TPH2: variants seen among roughly 807,000 people sequenced by gnomAD.
The protein encoded by TPH2 is tryptophan 5-hydroxylase 2.
TPH2 carries 27 observed loss-of-function variants against 59.1 expected under a neutral mutation model. The observed-to-expected ratio is 0.46, with a 90% confidence interval of 0.34 to 0.63. TPH2 has a LOEUF of 0.63. Ranked by LOEUF, TPH2 falls within the 30% of genes least tolerant of loss-of-function variation. TPH2 has a pLI of 0.01. For synonymous variants in TPH2, 220 were observed against 210.5 expected (o/e 1.05, Z -0.39); for missense variants, 523 against 588.3 (o/e 0.89, Z 1.15).
At chr12:71,990,577 CTTTG>C (rs773703359) in intron 7 of TPH2, among the ~76,000 whole-genome samples, 10 of 152,194 alleles carry the variant, frequency 6.6e-5, no homozygotes, top group African/African-American at 1.9e-4. Context: ...AATCTTTGCT[CTTTG>C]TTTGAAGAGT....
chr12:72,018,247 T>C (rs1014101274), intron 8 of TPH2, among the ~76,000 whole-genome samples: 1 of 152,092 alleles, frequency 6.6e-6, no homozygotes, highest in Admixed American at 6.6e-5. Context: ...CCAGATGAGG[T>C]CTGGGGCCAG....
chr12:71,948,876 A>G (rs1423532765), intron 4 of TPH2, among the ~76,000 whole-genome samples: 1 of 151,968 alleles, frequency 6.6e-6, no homozygotes, highest in East Asian at 1.9e-4. Flanking sequence ...GGGTAAACCA[A>G]GAAGTCCTCT....
intron 8 of TPH2, among the ~76,000 whole-genome samples, chr12:72,015,756 C>G (rs967620402): frequency 1.3e-5 from 2 of 152,084 alleles, no homozygotes; most frequent in Non-Finnish European, 2.9e-5. Context: ...GCTAGACTTG[C>G]ATCTGAAAGG....
In TPH2 at chr12:71,939,395, CAA is replaced by C. The variant is rs5799057; in HGVS notation, c.105+322_105+323del. Among the ~76,000 whole-genome samples, 973 of 121,640 alleles carry C rather than the reference CAA, an allele frequency of 8.0e-3. 37 individuals carry two copies. In the East Asian group the frequency reaches 0.12, roughly 15 times the overall value. The allele number at this position is 121,640 out of a possible 152,430, so 79.8% of individuals were successfully genotyped here. On this transcript the variant is annotated intron_variant, in intron 1 of 10. Coordinates refer to ENST00000333850, the MANE Select transcript of TPH2 (RefSeq NM_173353.4). The stretch of plus-strand genomic sequence containing the variant: ...TGAATCAATGTCTTAAATCTACAGC[CAA>C]AAAAAAAAAAAAAAAAATGGAGTGT...
chr12:71,939,121 A>G (rs1870982897), intron 1 of TPH2, 30 bp downstream of exon 1: 1 of 1,561,288 alleles, frequency 6.4e-7, no homozygotes, highest in Non-Finnish European at 8.8e-7. Context: ...CACTATGGAG[A>G]ATTATTTTTT....
chr12:72,012,197 A>G (rs1184223306), intron 8 of TPH2, among the ~76,000 whole-genome samples: 7 of 151,140 alleles, frequency 4.6e-5, no homozygotes, highest in Non-Finnish European at 4.4e-5. Context: ...AACAACAACA[A>G]TAACAACAAC....
intron 7 of TPH2, among the ~76,000 whole-genome samples, chr12:71,989,142 C>T (rs1023423777): frequency 1.4e-5 from 2 of 145,592 alleles, no homozygotes; most frequent in African/African-American, 5.1e-5. Context: ...TGTAGCTATA[C>T]TGTGATAGGG....
chr12:71,992,938 T>C (rs529669075), intron 7 of TPH2, among the ~76,000 whole-genome samples: 89 of 152,356 alleles, frequency 5.8e-4, no homozygotes, highest in African/African-American at 2.0e-3. Flanking sequence ...CCATAAGCAA[T>C]GTGATTGAAG....
At chr12:71,977,700 CTT>C (rs1383632699) in intron 6 of TPH2, among the ~76,000 whole-genome samples, 3 of 152,090 alleles carry the variant, frequency 2.0e-5, no homozygotes, top group Non-Finnish European at 4.4e-5. Flanking sequence ...CTGGGCACTG[CTT>C]TATGTCATTC....
intron 7 of TPH2, among the ~76,000 whole-genome samples, chr12:71,979,614 C>A (rs1369549075): frequency 1.3e-5 from 2 of 152,172 alleles, no homozygotes; most frequent in Non-Finnish European, 2.9e-5. Context: ...GTTTGTGATT[C>A]TTCTCTGATT....
At chr12:72,024,727 T>C (rs1344536179) in intron 9 of TPH2, among the ~76,000 whole-genome samples, 7 of 152,240 alleles carry the variant, frequency 4.6e-5, no homozygotes, top group Non-Finnish European at 7.3e-5. Context: ...TAATGAGGCA[T>C]GTGTGGGCAG....
chr12:71,972,327 G>A (rs1871996210), intron 5 of TPH2, among the ~76,000 whole-genome samples, 192 bp from the exon 6 acceptor site: 1 of 152,094 alleles, frequency 6.6e-6, no homozygotes, highest in African/African-American at 2.4e-5. Context: ...TAATTTATAT[G>A]GAAATTCAAA....
At chr12:71,950,308 G>C (rs896456953) in intron 5 of TPH2, among the ~76,000 whole-genome samples, 7 of 152,162 alleles carry the variant, frequency 4.6e-5, no homozygotes, top group Admixed American at 1.3e-4. Context: ...ATTTCACCTG[G>C]GTGCAGGTGG....
rs1872197278 is a variant in TPH2, at chr12:71,979,011, G to A, written c.865G>A (p.Ala289Thr). Reference protein sequence around the residue: ...AGYLSPRDFLAGLAYRVFHCT... With the variant: ...AGYLSPRDFLTGLAYRVFHCT... Reference sequence around the variant, plus strand: ...ATACCTGAGCCCACGAGACTTTCTGGCAGGACTGGCCTACAGAGTGTTCCA... The same window carrying A: ...ATACCTGAGCCCACGAGACTTTCTGACAGGACTGGCCTACAGAGTGTTCCA... The change falls in exon 7 of 11, where the codon GCA (alanine) becomes ACA (threonine). Residue 289 changes from alanine (A) to threonine (T), a missense_variant. Physicochemically the swap from Ala to Thr is moderately conservative, Grantham distance 58. Coordinates refer to ENST00000333850, the MANE Select transcript of TPH2 (RefSeq NM_173353.4). 2.5e-6 allele frequency: 4 copies of A among 1,613,978 alleles called. No individual in the cohort carries two copies. Among genetic ancestry groups the A allele is most frequent in the Non-Finnish European group, 3.4e-6 (4 of 1,179,878 alleles).
intron 5 of TPH2, among the ~76,000 whole-genome samples, chr12:71,969,249 C>G (rs966847104): frequency 6.6e-6 from 1 of 152,158 alleles, no homozygotes. Flanking sequence ...CACCACTGCA[C>G]TCCAGCCTGG....
At chr12:72,020,411 T>C (rs958144228) in intron 8 of TPH2, among the ~76,000 whole-genome samples, 2 of 152,168 alleles carry the variant, frequency 1.3e-5, no homozygotes, top group Non-Finnish European at 2.9e-5. Flanking sequence ...ATAGAAAGAA[T>C]GAAAAGATGG....
At chr12:71,999,146 G>A (rs1002900114) in intron 8 of TPH2, among the ~76,000 whole-genome samples, 4 of 152,172 alleles carry the variant, frequency 2.6e-5, no homozygotes, top group African/African-American at 4.8e-5. Context: ...CTGATTTTCC[G>A]AGGTACTAGA....
At chr12:71,972,099 A>G (rs1373800604) in intron 5 of TPH2, among the ~76,000 whole-genome samples, 3 of 152,218 alleles carry the variant, frequency 2.0e-5, no homozygotes, top group African/African-American at 7.2e-5. Flanking sequence ...GAGTCTGGGC[A>G]AGGGACAAAA....
intron 9 of TPH2, among the ~76,000 whole-genome samples, chr12:72,028,857 G>A (rs914747708): frequency 2.0e-5 from 3 of 152,184 alleles, no homozygotes; most frequent in South Asian, 2.1e-4. Flanking sequence ...CATTGGTCAA[G>A]CGTGATCTAT....
Sources: gnomAD v4.1 joint callset for allele counts (sites outside exome capture counted in the v4.1 genomes callset) on GRCh38, gnomAD v4.1.1 for gene constraint, MANE v1.5 for transcripts, NCBI Gene and HGNC (gene_info 2026-07-23, HGNC 2026-07-21) for gene names.